The following TSHR variants were observed in gnomAD, a reference collection of about 807,000 sequenced individuals.
The protein encoded by TSHR is thyrotropin receptor.
In TSHR, 51 loss-of-function variants were observed where a neutral mutation model predicts 64.1. That is an observed-to-expected ratio of 0.80 (90% CI 0.64 to 1.01). The LOEUF is 1.01. Ranked by LOEUF, TSHR falls within the 50% of genes least tolerant of loss-of-function variation. The probability of loss-of-function intolerance (pLI) is 0.00; values close to 1 mark genes in which losing one functional copy is unlikely to be tolerated. For synonymous variants in TSHR, 361 were observed against 361.9 expected (o/e 1.00, Z 0.03); for missense variants, 877 against 942.8 (o/e 0.93, Z 0.91).
chr14:81,053,857 T>C (rs1405488378), intron 1 of TSHR: 1 of 152,148 alleles, frequency 6.6e-6, no homozygotes, highest in Non-Finnish European at 1.5e-5. Flanking sequence ...TAATTAGCAA[T>C]AAAAATCACT....
chr14:81,114,452 G>A (rs1445023531), intron 8 of TSHR, among the ~76,000 whole-genome samples: 4 of 152,192 alleles, frequency 2.6e-5, no homozygotes, highest in South Asian at 2.1e-4. Flanking sequence ...GCTCCCACCC[G>A]AATACTGCGC....
chr14:81,028,381 T>A (rs1884179215), intron 1 of TSHR, among the ~76,000 whole-genome samples: 2 of 151,952 alleles, frequency 1.3e-5, no homozygotes, highest in South Asian at 4.2e-4. Context: ...GAGAGGTAAA[T>A]CCTAGGAACG....
rs760311319 is a variant in TSHR at position 81,143,182 on chromosome 14, A to G, written c.1124A>G (p.Glu375Gly). The G allele has an allele frequency of 6.2e-7, 1 of 1,614,158 alleles. No homozygotes were observed. Among genetic ancestry groups the G allele is most frequent in the Non-Finnish European group, 8.5e-7 (1 of 1,180,022 alleles). ...GGCCAGGAGCTCAAAAACCCCCAGG[A>G]AGAGACTCTACAAGCTTTTGACAGC... ...GFGQELKNPQ[E>G]ETLQAFDSHY... The change falls in exon 10 of 10, where the codon GAA (glutamate) becomes GGA (glycine). Residue 375 changes from glutamate (E) to glycine (G), a missense_variant. Glu to Gly is a moderately conservative substitution (Grantham distance 98). Transcript: ENST00000298171.
At chr14:81,139,905 T>C in intron 9 of TSHR, 38 bp downstream of exon 9, 4 of 1,611,240 alleles carry the variant, frequency 2.5e-6, no homozygotes, top group Non-Finnish European at 3.4e-6. Flanking sequence ...ACAAAAGACC[T>C]TGGTGGAAGT....
chr14:80,994,866 G>T (rs1162627376), intron 1 of TSHR: 3 of 136,782 alleles, frequency 2.2e-5, no homozygotes, highest in African/African-American at 1.1e-4. Context: ...CAACAAAAGA[G>T]AAAATTGACA....
intron 8 of TSHR, among the ~76,000 whole-genome samples, chr14:81,128,230 T>C (rs146828059): frequency 1.0e-3 from 153 of 152,360 alleles, no homozygotes; most frequent in African/African-American, 3.2e-3. Flanking sequence ...AGCTTTGTGC[T>C]GGGTTCTTTA....
rs368174650 is a variant in TSHR at position 81,121,857 on chromosome 14, G to A, written c.692+13405G>A. ...CTTGGGAGGCTGAGGTAGGAGAATCGTTTGAACCCAGGAGGCGGAGGCTGC... is the reference window on the plus strand; with the variant it reads ...CTTGGGAGGCTGAGGTAGGAGAATCATTTGAACCCAGGAGGCGGAGGCTGC... On this transcript the variant is annotated intron_variant, in intron 8 of 9. Coordinates refer to ENST00000298171, the MANE Select transcript of TSHR (RefSeq NM_000369.5). Among the ~76,000 whole-genome samples, 145 of 151,058 alleles carry A rather than the reference G, an allele frequency of 9.6e-4. 1 individual carries two copies. The highest frequency in any genetic ancestry group is 3.2e-3 in the African/African-American group (134 of 41,238).
intron 1 of TSHR, among the ~76,000 whole-genome samples, chr14:80,973,128 G>A (rs994691587): frequency 2.0e-5 from 3 of 151,990 alleles, no homozygotes; most frequent in Non-Finnish European, 4.4e-5. Flanking sequence ...GTACTTGGCC[G>A]GGCGCGGTGG....
At chr14:81,139,944 T>C (rs1891616453) in intron 9 of TSHR, 77 bp downstream of exon 9, 2 of 1,561,472 alleles carry the variant, frequency 1.3e-6, no homozygotes, top group African/African-American at 2.7e-5. Flanking sequence ...TTGGGGAAGA[T>C]GCTTCCTGGT....
chr14:81,018,440 G>A (rs1462306354), intron 1 of TSHR, among the ~76,000 whole-genome samples: 1 of 152,204 alleles, frequency 6.6e-6, no homozygotes, highest in East Asian at 1.9e-4. Context: ...CACAGCGAAT[G>A]AGGAAGCAGT....
At chr14:80,994,544 G>A (rs947721271) in intron 1 of TSHR, 2 of 152,050 alleles carry the variant, frequency 1.3e-5, no homozygotes, top group Non-Finnish European at 2.9e-5. Context: ...ATAGACCAAT[G>A]GAACAGAATA....
intron 3 of TSHR, among the ~76,000 whole-genome samples, chr14:81,077,194 T>C (rs193302086): frequency 2.0e-5 from 3 of 152,336 alleles, no homozygotes; most frequent in African/African-American, 7.2e-5. Context: ...AAATTTAGTA[T>C]GACAATGCAG....
intron 1 of TSHR, among the ~76,000 whole-genome samples, chr14:81,004,195 G>T (rs533244646): frequency 6.6e-6 from 1 of 152,110 alleles, no homozygotes; most frequent in Admixed American, 6.5e-5. Flanking sequence ...CACTTTACTC[G>T]TCTCCCCTCT....
Position 81,071,413 on chromosome 14 carries a change from T to G in TSHR, c.317+3085T>G, listed in dbSNP as rs148127085. ...GTCTAGATTAGCTTCCATCATTTTATCCTTTGCTTTTTAAATATTATAAAA... is the reference window on the plus strand; with the variant it reads ...GTCTAGATTAGCTTCCATCATTTTAGCCTTTGCTTTTTAAATATTATAAAA... On this transcript the variant is annotated intron_variant, in intron 3 of 9. Transcript: ENST00000298171. Among the ~76,000 whole-genome samples, 792 of 152,300 alleles carry G rather than the reference T, an allele frequency of 5.2e-3. 6 individuals carry two copies. The highest frequency in any genetic ancestry group is 5.2e-3 in the Non-Finnish European group (355 of 68,020).
intron 1 of TSHR, among the ~76,000 whole-genome samples, chr14:80,978,170 C>T (rs939801056): frequency 4.6e-5 from 7 of 151,748 alleles, no homozygotes; most frequent in Non-Finnish European, 8.8e-5. Flanking sequence ...ATTGCACAGG[C>T]CAGGAAAGTT....
chr14:81,062,127 A>G (rs1886287787), intron 1 of TSHR, 21 bp from the exon 2 acceptor site: 1 of 1,596,592 alleles, frequency 6.3e-7, no homozygotes. Flanking sequence ...AACTCTAATT[A>G]TGTAACTGTT....
intron 1 of TSHR, among the ~76,000 whole-genome samples, chr14:81,019,803 G>T (rs1469781270): frequency 6.6e-6 from 1 of 152,084 alleles, no homozygotes; most frequent in Non-Finnish European, 1.5e-5. Flanking sequence ...CCTTTTTTAT[G>T]GATGCATAGT....
intron 1 of TSHR, chr14:81,001,855 T>G (rs1211436727): frequency 4.7e-6 from 1 of 212,634 alleles, no homozygotes; most frequent in Non-Finnish European, 9.5e-6. Context: ...TTCTTGATCT[T>G]GCTTTTGCCT....
At chr14:80,968,812 A>C (rs1286031802) in intron 1 of TSHR, among the ~76,000 whole-genome samples, 1 of 152,208 alleles carries the variant, frequency 6.6e-6, no homozygotes, top group African/African-American at 2.4e-5. Context: ...TCTCATGGTA[A>C]AGAGGGCCTA....
Sources: allele counts gnomAD v4.1 joint callset (sites outside exome capture counted in the v4.1 genomes callset), GRCh38; gene constraint gnomAD v4.1.1; transcripts MANE v1.5; gene names NCBI Gene and HGNC (gene_info 2026-07-23, HGNC 2026-07-21).